Variants in LINGO2 observed in about 807,000 individuals in gnomAD.
LINGO2 encodes leucine rich repeat and Ig domain containing 2.
Under a neutral mutation model 30.6 loss-of-function variants are expected in LINGO2, and 14 were observed. The ratio of observed to expected loss-of-function variants is 0.46; its 90% confidence interval spans 0.30 to 0.72. The LOEUF is 0.72. Ranked by LOEUF, LINGO2 falls within the 30% of genes least tolerant of loss-of-function variation. The pLI is 0.07. For synonymous variants in LINGO2, 317 were observed against 288.5 expected (o/e 1.10, Z -1.00); for missense variants, 729 against 751.7 (o/e 0.97, Z 0.35).
intron 1 of LINGO2, among the ~76,000 whole-genome samples, chr9:28,510,747 A>G (rs1000460026): frequency 2.0e-5 from 3 of 151,942 alleles, no homozygotes; most frequent in African/African-American, 7.3e-5. Context: ...AGGATTCTCT[A>G]GAGGGACCTT....
chr9:28,125,344 A>G (rs1276895383), intron 4 of LINGO2, among the ~76,000 whole-genome samples: 1 of 152,214 alleles, frequency 6.6e-6, no homozygotes, highest in Non-Finnish European at 1.5e-5. Flanking sequence ...ACATCTGTTT[A>G]TTTTAGCAGT....
intron 4 of LINGO2, among the ~76,000 whole-genome samples, chr9:28,151,127 G>C (rs1018168686): frequency 5.9e-5 from 9 of 152,108 alleles, no homozygotes; most frequent in Admixed American, 5.9e-4. Context: ...ACTATGATGA[G>C]TTAAAGAAAA....
At chr9:28,919,115 T>C in the LINGO2 span, among the ~76,000 whole-genome samples, 3 of 152,192 alleles carry the variant, frequency 2.0e-5, no homozygotes, top group Non-Finnish European at 2.9e-5. Context: ...GTCTGGGAGA[T>C]ATTTGTCTTC....
the LINGO2 span, among the ~76,000 whole-genome samples, chr9:28,866,451 T>C: frequency 3.9e-5 from 6 of 152,060 alleles, no homozygotes; most frequent in African/African-American, 1.4e-4. Flanking sequence ...CCACGGGGCA[T>C]ACAAAGTGAT....
intron 3 of LINGO2, among the ~76,000 whole-genome samples, chr9:28,324,057 T>C (rs1825139819): frequency 6.6e-6 from 1 of 152,270 alleles, no homozygotes; most frequent in Admixed American, 6.5e-5. Context: ...TGGTGTGTTA[T>C]ACTGAGGAAA....
the LINGO2 span, among the ~76,000 whole-genome samples, chr9:28,931,497 G>C: frequency 6.6e-6 from 1 of 152,160 alleles, no homozygotes; most frequent in Admixed American, 6.5e-5. Flanking sequence ...CAGATAGCCT[G>C]ACTTCTTTCT....
At chr9:29,005,181 T>C in the LINGO2 span, among the ~76,000 whole-genome samples, 15 of 152,184 alleles carry the variant, frequency 9.9e-5, no homozygotes, top group African/African-American at 3.6e-4. Flanking sequence ...CAAAGCACTA[T>C]ATGCAAATTC....
At chr9:28,247,032 A>T (rs1183767221) in intron 4 of LINGO2, among the ~76,000 whole-genome samples, 3 of 152,250 alleles carry the variant, frequency 2.0e-5, no homozygotes, top group Non-Finnish European at 4.4e-5. Flanking sequence ...AGAGAAATGC[A>T]AATCAAAACC....
intron 1 of LINGO2, among the ~76,000 whole-genome samples, chr9:28,557,122 G>T (rs1822754654): frequency 6.6e-6 from 1 of 152,078 alleles, no homozygotes. Flanking sequence ...AAAAGCAATG[G>T]CAACAAAGAC....
At chr9:28,987,427 T>C in the LINGO2 span, among the ~76,000 whole-genome samples, 1 of 152,048 alleles carries the variant, frequency 6.6e-6, no homozygotes, top group African/African-American at 2.4e-5. Context: ...TATTTGAATC[T>C]TCTCTATTTT....
In LINGO2 at chr9:28,661,554, C is replaced by T. The variant is rs77497975; in HGVS notation, c.-365+8646G>A. 9.4e-3 allele frequency among the ~76,000 whole-genome samples: 1,426 copies of T among 152,206 alleles called. 29 individuals are homozygous for T. The highest frequency in any genetic ancestry group is 0.081 in the East Asian group (419 of 5,182). On this transcript the variant is annotated intron_variant, in intron 1 of 5. Coordinates refer to ENST00000379992, the Ensembl canonical transcript of LINGO2. ...TCTACAACTTTATAAGCACTATTTCCTTCCTGTTGCTCTTTTGTTGTGAAA... is the reference window on the plus strand; with the variant it reads ...TCTACAACTTTATAAGCACTATTTCTTTCCTGTTGCTCTTTTGTTGTGAAA...
chr9:28,431,041 AG>A (rs1823653251), intron 2 of LINGO2, among the ~76,000 whole-genome samples: 1 of 76,484 alleles, frequency 1.3e-5, no homozygotes, highest in Non-Finnish European at 3.8e-5. Flanking sequence ...AGAGAGAGAG[AG>A]AGAGAGAGAG....
At chr9:28,132,945 T>C (rs904036844) in intron 4 of LINGO2, among the ~76,000 whole-genome samples, 6 of 152,188 alleles carry the variant, frequency 3.9e-5, no homozygotes, top group African/African-American at 1.4e-4. Context: ...CAAAAGGTAA[T>C]GTCCATATTC....
the LINGO2 span, among the ~76,000 whole-genome samples, chr9:29,198,694 C>T: frequency 2.0e-5 from 3 of 152,116 alleles, no homozygotes; most frequent in East Asian, 5.8e-4. Flanking sequence ...TAGCTACAGT[C>T]TCCCTGGGAG....
At chr9:28,797,349 TATATATATATAGAGAGAG>T in the LINGO2 span, among the ~76,000 whole-genome samples, 40 of 64,504 alleles carry the variant, frequency 6.2e-4, no homozygotes, top group African/African-American at 2.0e-3. Context: ...TATATATATA[TATATATATATAGAGAGAG>T]AGAGAGAGAG....
the LINGO2 span, among the ~76,000 whole-genome samples, chr9:29,049,476 A>G: frequency 6.6e-6 from 1 of 152,176 alleles, no homozygotes; most frequent in Non-Finnish European, 1.5e-5. Context: ...AAGGAAATCA[A>G]TATACCAAAG....
intron 4 of LINGO2, among the ~76,000 whole-genome samples, chr9:28,159,383 G>T (rs1305483515): frequency 6.6e-6 from 1 of 152,024 alleles, no homozygotes; most frequent in Non-Finnish European, 1.5e-5. Flanking sequence ...TAGCACATGT[G>T]CAGCTTTTAT....
intron 2 of LINGO2, among the ~76,000 whole-genome samples, chr9:28,417,661 G>A (rs1823019478): frequency 6.6e-6 from 1 of 152,110 alleles, no homozygotes; most frequent in East Asian, 1.9e-4. Flanking sequence ...CCTTCAAGAA[G>A]ACATCCCTAA....
intron 4 of LINGO2, among the ~76,000 whole-genome samples, chr9:28,140,138 C>T (rs1413481092): frequency 6.6e-6 from 1 of 152,170 alleles, no homozygotes; most frequent in Non-Finnish European, 1.5e-5. Flanking sequence ...GACTTAAACA[C>T]TAACAGACAT....
Sources: gnomAD v4.1 joint callset for allele counts (sites outside exome capture counted in the v4.1 genomes callset) on GRCh38, gnomAD v4.1.1 for gene constraint, MANE v1.5 for transcripts, NCBI Gene and HGNC (gene_info 2026-07-23, HGNC 2026-07-21) for gene names.